LUC7L2: variants seen among roughly 807,000 people sequenced by gnomAD.
LUC7L2 encodes LUC7 like 2, pre-mRNA splicing factor.
In LUC7L2, 25 loss-of-function variants were observed where a neutral mutation model predicts 52.8. The observed-to-expected ratio is 0.47, with a 90% CI of 0.34 to 0.66. LUC7L2 has a LOEUF of 0.66. Ranked by LOEUF, LUC7L2 falls within the 30% of genes least tolerant of loss-of-function variation. LUC7L2 has a pLI of 0.01. For missense variants in LUC7L2, 328 were observed against 497.8 expected (o/e 0.66, Z 3.25); for synonymous variants, 144 against 160.9 (o/e 0.89, Z 0.80).
intron 3 of LUC7L2, among the ~76,000 whole-genome samples, chr7:139,399,448 G>GTTTTTTTTT (rs1794799799): frequency 1.2e-5 from 1 of 83,124 alleles, no homozygotes; most frequent in Non-Finnish European, 2.7e-5. Flanking sequence ...GTGTTTGGGG[G>GTTTTTTTTT]ATTTTTTTTT....
upstream of LUC7L2, chr7:139,359,794 T>A: frequency 5.1e-6 from 2 of 394,954 alleles, no homozygotes. Context: ...CCAGAGCCGT[T>A]AGGGTGGAAC....
At chr7:139,354,038 C>T (rs1277369817) in intron 1 of LUC7L2, among the ~76,000 whole-genome samples, 2 of 151,128 alleles carry the variant, frequency 1.3e-5, no homozygotes, top group African/African-American at 4.9e-5. Flanking sequence ...ATTACTTGAA[C>T]CTGGCAGGCA....
Position 139,359,926 on chromosome 7 carries a change from C to T in LUC7L2, c.-336C>T, listed in dbSNP as rs1026436250. The T allele has an allele frequency of 4.8e-6, 2 of 417,038 alleles. No homozygotes were observed. The highest frequency in any genetic ancestry group is 2.1e-5 in the African/African-American group (1 of 48,696). The allele number at this position is 417,038 out of a possible 1,614,324, so 25.8% of individuals were successfully genotyped here. ...TCGTGGCGACGGTGGCGGCGAGCGG[C>T]GTCAGAGCTTGAGGGGGGGTTGACG... On this transcript the variant is annotated 5_prime_UTR_variant, in exon 1 of 10. Transcript: ENST00000354926.
chr7:139,364,144 C>T (rs952164542), intron 1 of LUC7L2, among the ~76,000 whole-genome samples: 2 of 151,884 alleles, frequency 1.3e-5, no homozygotes, highest in Non-Finnish European at 2.9e-5. Context: ...GCCACTACGT[C>T]TGGCTAATTT....
chr7:139,419,138 A>AC (rs1795768627), intron 9 of LUC7L2, among the ~76,000 whole-genome samples: 1 of 151,894 alleles, frequency 6.6e-6, no homozygotes, highest in African/African-American at 2.4e-5. Flanking sequence ...AACAAAAAAA[A>AC]AAACAAAAAG....
intron 8 of LUC7L2, among the ~76,000 whole-genome samples, chr7:139,413,147 A>G (rs767798220): frequency 8.5e-5 from 13 of 152,220 alleles, no homozygotes; most frequent in Non-Finnish European, 1.8e-4. Flanking sequence ...GAGCAAGACA[A>G]TACTTTGTTT....
In LUC7L2 at chr7:139,422,943, C is replaced by A. The variant is rs185143772; in HGVS notation, c.*603C>A. The A allele has an allele frequency of 2.8e-5, 11 of 398,808 alleles. No homozygotes were observed. Among genetic ancestry groups the A allele is most frequent in the Non-Finnish European group, 4.9e-5 (11 of 226,034 alleles). 24.7% of individuals were successfully genotyped at this position (398,808 alleles called of 1,614,324 possible). On this transcript the variant is annotated 3_prime_UTR_variant, in exon 10 of 10. Coordinates refer to ENST00000354926, the MANE Select transcript of LUC7L2 (RefSeq NM_016019.5). The stretch of plus-strand genomic sequence containing the variant: ...AGAGTTGGAAGTTGAACAGCTGTTG[C>A]ATTACATACTTTTGCTTTTTTATTG...
At chr7:139,397,988 A>G (rs1794733722) in intron 2 of LUC7L2, among the ~76,000 whole-genome samples, 1 of 152,132 alleles carries the variant, frequency 6.6e-6, no homozygotes, top group Non-Finnish European at 1.5e-5. Flanking sequence ...TATCAAAGTC[A>G]ACAGTCTTGT....
chr7:139,370,827 C>G (rs367965425), intron 1 of LUC7L2, among the ~76,000 whole-genome samples: 3 of 152,236 alleles, frequency 2.0e-5, no homozygotes, highest in African/African-American at 7.2e-5. Flanking sequence ...GGCCATGGAT[C>G]TTTATACAGT....
chr7:139,379,368 GC>G (rs1228037167), intron 2 of LUC7L2, among the ~76,000 whole-genome samples: 1 of 117,010 alleles, frequency 8.5e-6, no homozygotes, highest in Non-Finnish European at 1.6e-5. Context: ...TGCATTTCCT[GC>G]CTTTTTTTTT....
intron 1 of LUC7L2, chr7:139,375,225 C>T (rs187875082): frequency 6.1e-6 from 6 of 984,412 alleles, no homozygotes; most frequent in East Asian, 2.3e-4. Context: ...GATTCTTTAA[C>T]GTTTTGAGTA....
chr7:139,367,643 T>C (rs1012519009), intron 1 of LUC7L2, among the ~76,000 whole-genome samples: 1 of 152,218 alleles, frequency 6.6e-6, no homozygotes, highest in Non-Finnish European at 1.5e-5. Flanking sequence ...CCAGGGAGTA[T>C]TCATGTGAAA....
intron 2 of LUC7L2, among the ~76,000 whole-genome samples, chr7:139,397,726 A>G (rs549379385): frequency 6.6e-6 from 1 of 152,336 alleles, no homozygotes; most frequent in East Asian, 1.9e-4. Context: ...ACAGTTGCCT[A>G]GATACATATA....
At chr7:139,349,834 TAATA>T (rs1799395170) in intron 1 of LUC7L2, among the ~76,000 whole-genome samples, 1 of 152,324 alleles carries the variant, frequency 6.6e-6, no homozygotes, top group South Asian at 2.1e-4. Context: ...AATTTACATA[TAATA>T]AATATACTCA....
upstream of LUC7L2, among the ~76,000 whole-genome samples, chr7:139,358,831 C>T (rs891568440): frequency 2.6e-5 from 4 of 152,096 alleles, no homozygotes; most frequent in African/African-American, 4.8e-5. Flanking sequence ...GAGGCGCCCG[C>T]CATCACGCCC....
At chr7:139,383,921 T>A (rs1275934360) in intron 2 of LUC7L2, among the ~76,000 whole-genome samples, 1 of 151,300 alleles carries the variant, frequency 6.6e-6, no homozygotes, top group Non-Finnish European at 1.5e-5. Context: ...TATTATTATT[T>A]GTATTTTTAG....
intron 1 of LUC7L2, among the ~76,000 whole-genome samples, chr7:139,350,822 G>A (rs930036112): frequency 2.6e-5 from 4 of 151,434 alleles, no homozygotes; most frequent in Admixed American, 6.6e-5. Flanking sequence ...ATTAACAGGC[G>A]CCCGCCACAA....
At position 139,347,345 on chromosome 7, in the gene LUC7L2, T is replaced by C. The variant is rs914524564; in HGVS notation, c.-26+6828T>C. Among the ~76,000 whole-genome samples the C allele has an allele frequency of 2.5e-5, 3 of 119,692 alleles. No homozygotes were observed. The East Asian group carries it at 6.2e-4, about 25-fold the overall frequency. 78.5% of individuals were successfully genotyped at this position (119,692 alleles called of 152,430 possible). A position where few individuals can be genotyped will look rare whatever the true frequency, so the allele number is the denominator to read the frequency against. ...GCTCACACCTGTAATCCCAGGACTT[T>C]GGGAAGCTGATGTGGGCGGATCACC... On this transcript the variant is annotated intron_variant, in intron 1 of 10. Transcript: ENST00000541170.
intron 1 of LUC7L2, among the ~76,000 whole-genome samples, chr7:139,341,891 TTG>T (rs1798999330): frequency 1.3e-5 from 2 of 152,184 alleles, no homozygotes; most frequent in African/African-American, 4.8e-5. Context: ...GGGTGTACTG[TTG>T]CTAGACTTAA....
Sources: gnomAD v4.1 joint callset for allele counts (sites outside exome capture counted in the v4.1 genomes callset) on GRCh38, gnomAD v4.1.1 for gene constraint, MANE v1.5 for transcripts, NCBI Gene and HGNC (gene_info 2026-07-23, HGNC 2026-07-21) for gene names.